CERS6: variants seen among roughly 807,000 people sequenced by gnomAD.
CERS6 encodes ceramide synthase 6, also known as LAG1 homolog, ceramide synthase 6.
Under a neutral mutation model 56.8 loss-of-function variants are expected in CERS6, and 26 were observed. The observed-to-expected ratio is 0.46, with a 90% confidence interval of 0.34 to 0.63. The LOEUF is 0.63. CERS6 is among the 30% of genes least tolerant of loss of function. CERS6 has a pLI of 0.01. For missense variants in CERS6, 415 were observed against 467.5 expected (o/e 0.89, Z 1.04); for synonymous variants, 164 against 173.3 (o/e 0.95, Z 0.42).
At position 168,769,492 on chromosome 2, in the gene CERS6, C is replaced by A; in HGVS notation, c.1003-18C>A. ...ATTTCTTAGGTGCTGGTTATACTCA[C>A]CTGCTTCTACTCCACAGGTGTCCAA... On this transcript the variant is annotated intron_variant, in intron 9 of 9. Coordinates refer to ENST00000305747, the MANE Select transcript of CERS6 (RefSeq NM_203463.3). 6.4e-7 allele frequency: 1 copy of A among 1,566,688 alleles called. No individual in the cohort carries two copies. The highest frequency in any genetic ancestry group is 2.1e-5 in the Admixed American group (1 of 48,458).
intron 1 of CERS6, among the ~76,000 whole-genome samples, chr2:168,507,157 A>G (rs953777772): frequency 1.3e-5 from 2 of 152,154 alleles, no homozygotes; most frequent in Non-Finnish European, 2.9e-5. Context: ...TTTTTTCCCT[A>G]AACAAAGATA....
chr2:168,465,248 C>T (rs941223468), intron 1 of CERS6, among the ~76,000 whole-genome samples: 11 of 152,176 alleles, frequency 7.2e-5, no homozygotes, highest in African/African-American at 2.4e-4. Context: ...ATTTATTGCT[C>T]ACAGTTTTGG....
intron 1 of CERS6, among the ~76,000 whole-genome samples, chr2:168,467,422 G>T (rs1335551109): frequency 6.6e-6 from 1 of 152,180 alleles, no homozygotes; most frequent in Non-Finnish European, 1.5e-5. Context: ...GACTAAAAGG[G>T]CTTTGTATGT....
intron 4 of CERS6, among the ~76,000 whole-genome samples, chr2:168,657,393 C>T (rs985539105): frequency 1.1e-4 from 17 of 152,256 alleles, no homozygotes; most frequent in African/African-American, 3.1e-4. Flanking sequence ...GATCCCGCAC[C>T]GGGGCTGCAG....
chr2:168,657,390 C>T (rs1203899320), intron 4 of CERS6, among the ~76,000 whole-genome samples: 1 of 152,276 alleles, frequency 6.6e-6, no homozygotes, highest in Non-Finnish European at 1.5e-5. Context: ...GTGGATCCCG[C>T]ACCGGGGCTG....
At chr2:168,505,264 C>T (rs1694655208) in intron 1 of CERS6, among the ~76,000 whole-genome samples, 1 of 151,242 alleles carries the variant, frequency 6.6e-6, no homozygotes, top group Non-Finnish European at 1.5e-5. Flanking sequence ...CATCTGTAGT[C>T]CCAGTTATTT....
At chr2:168,617,575 A>G (rs1404336758) in intron 3 of CERS6, among the ~76,000 whole-genome samples, 1 of 152,202 alleles carries the variant, frequency 6.6e-6, no homozygotes, top group African/African-American at 2.4e-5. Flanking sequence ...ACAGAAATAC[A>G]AAAGATCATT....
chr2:168,775,111 A>C lies in CERS6; in HGVS notation c.*5449A>C, dbSNP rs79757984. On this transcript the variant is annotated 3_prime_UTR_variant, in exon 10 of 10. Transcript: ENST00000305747. ...ATTTTACTTTGGAAACACTTTCATA[A>C]TAAAGATAAGTATTAAGAGTGCAGT... 2.6e-5 allele frequency: 4 copies of C among 152,308 alleles called. No homozygotes were observed. The highest frequency in any genetic ancestry group is 5.9e-5 in the Non-Finnish European group (4 of 68,024). The allele number at this position is 152,308 out of a possible 1,614,324, so 9.4% of individuals were successfully genotyped here.
intron 7 of CERS6, among the ~76,000 whole-genome samples, chr2:168,717,074 A>G (rs1173629716): frequency 6.6e-6 from 1 of 152,190 alleles, no homozygotes; most frequent in Admixed American, 6.5e-5. Flanking sequence ...TGTTTTTAGA[A>G]TCATCTGTAA....
Position 168,654,567 on chromosome 2 carries a change from A to C in CERS6, c.465+23525A>C, listed in dbSNP as rs182441507. On this transcript the variant is annotated intron_variant, in intron 4 of 9. Transcript: ENST00000305747. ...TCAAAAAAACAAAACAAAACAAAAAACCCAAAAATGTATACTGTAATTCAC... is the reference window on the plus strand; with the variant it reads ...TCAAAAAAACAAAACAAAACAAAAACCCCAAAAATGTATACTGTAATTCAC... Among the ~76,000 whole-genome samples, 471 of 152,178 alleles carry C rather than the reference A, an allele frequency of 3.1e-3. 1 individual carries two copies. The highest frequency in any genetic ancestry group is 5.1e-3 in the Non-Finnish European group (344 of 67,990).
At chr2:168,741,445 G>A (rs1015304948) in intron 8 of CERS6, among the ~76,000 whole-genome samples, 1 of 151,608 alleles carries the variant, frequency 6.6e-6, no homozygotes, top group African/African-American at 2.4e-5. Context: ...CAATCTTTTG[G>A]CTTCCCTGGG....
intron 1 of CERS6, among the ~76,000 whole-genome samples, chr2:168,487,942 ACTC>A (rs1193192373): frequency 6.6e-6 from 1 of 151,690 alleles, no homozygotes; most frequent in Non-Finnish European, 1.5e-5. Flanking sequence ...TTGGTCTTGA[ACTC>A]CTGGCCTCAA....
intron 4 of CERS6, among the ~76,000 whole-genome samples, chr2:168,660,931 G>A (rs1006157309): frequency 1.3e-5 from 2 of 152,104 alleles, no homozygotes; most frequent in Non-Finnish European, 2.9e-5. Flanking sequence ...AAACATAGAG[G>A]CATGATAATG....
chr2:168,620,380 C>T (rs997423396), intron 3 of CERS6, among the ~76,000 whole-genome samples: 1 of 152,106 alleles, frequency 6.6e-6, no homozygotes, highest in Admixed American at 6.5e-5. Flanking sequence ...AAAGAACTTA[C>T]TCATGTAACC....
At chr2:168,738,478 C>T (rs1272642104) in intron 8 of CERS6, among the ~76,000 whole-genome samples, 2 of 152,190 alleles carry the variant, frequency 1.3e-5, no homozygotes, top group Non-Finnish European at 2.9e-5. Flanking sequence ...TGTAGATGAA[C>T]AGTGCTTACG....
chr2:168,488,823 A>G (rs1226640884), intron 1 of CERS6, among the ~76,000 whole-genome samples: 1 of 152,156 alleles, frequency 6.6e-6, no homozygotes, highest in Non-Finnish European at 1.5e-5. Flanking sequence ...TAGACTCTTT[A>G]TGATAGAGTT....
intron 3 of CERS6, among the ~76,000 whole-genome samples, chr2:168,562,560 T>C (rs1387528985): frequency 6.6e-6 from 1 of 152,240 alleles, no homozygotes; most frequent in Non-Finnish European, 1.5e-5. Context: ...GTACTATGAC[T>C]GGACATGCAC....
chr2:168,686,017 C>A (rs1054434569), intron 4 of CERS6, among the ~76,000 whole-genome samples: 6 of 148,668 alleles, frequency 4.0e-5, no homozygotes, highest in Non-Finnish European at 5.9e-5. Flanking sequence ...CTAATAAGCA[C>A]CATTTATGAG....
chr2:168,532,484 T>C (rs150006702), intron 1 of CERS6, among the ~76,000 whole-genome samples: 55 of 152,216 alleles, frequency 3.6e-4, no homozygotes, highest in African/African-American at 9.6e-4. Flanking sequence ...TCCTTTTTTT[T>C]CTATCTGTAC....
Sources: allele counts gnomAD v4.1 joint callset (sites outside exome capture counted in the v4.1 genomes callset), GRCh38; gene constraint gnomAD v4.1.1; transcripts MANE v1.5; gene names NCBI Gene and HGNC (gene_info 2026-07-23, HGNC 2026-07-21).